Variants in TRPM7 observed in about 807,000 individuals in gnomAD.
The protein encoded by TRPM7 is LTRPC ion channel family member 7.
TRPM7 carries 134 observed loss-of-function variants against 229.7 expected under a neutral mutation model. That is an observed-to-expected ratio of 0.58 (90% CI 0.51 to 0.67). The LOEUF (loss-of-function observed/expected upper bound fraction) is 0.67, where lower values mean the gene tolerates loss of function less well. Among genes scored for constraint, TRPM7 ranks in the 30% least tolerant of loss-of-function variants. The pLI is 0.00. For synonymous variants in TRPM7, 699 were observed against 715.2 expected (o/e 0.98, Z 0.36); for missense variants, 1,901 against 2,210.0 (o/e 0.86, Z 2.80).
rs547049409 is a variant in TRPM7 at position 50,635,755 on chromosome 15, G to A, written c.833-1199C>T. ...AGTACTTCAGGAGGCCGAGGCCGGCGATCACGAGGTCAGGAGATCAAAAGC... is the reference window on the plus strand; with the variant it reads ...AGTACTTCAGGAGGCCGAGGCCGGCAATCACGAGGTCAGGAGATCAAAAGC... On this transcript the variant is annotated intron_variant, in intron 7 of 38. Coordinates refer to ENST00000646667, the MANE Select transcript of TRPM7 (RefSeq NM_017672.6). 1.6e-4 allele frequency among the ~76,000 whole-genome samples: 24 copies of A among 150,960 alleles called. No individual in the cohort carries two copies. The East Asian group carries it at 3.5e-3, about 22-fold the overall frequency.
intron 28 of TRPM7, among the ~76,000 whole-genome samples, chr15:50,584,814 A>T (rs3109892): frequency 0.38 from 58,241 of 151,746 alleles, 11,708 homozygotes; most frequent in Admixed American, 0.49. Flanking sequence ...ATCTATGTTA[A>T]CTTAAATACT....
Position 50,557,584 on chromosome 15 carries a change from T to C in TRPM7, c.*4094A>G, listed in dbSNP as rs1025945904. The stretch of plus-strand genomic sequence containing the variant: ...TCAACATGTATTACTTGTAAAATAA[T>C]AGCATACATATATCGACAGACTGAA... On this transcript the variant is annotated 3_prime_UTR_variant, in exon 39 of 39. Transcript: ENST00000646667. 8.5e-5 allele frequency: 13 copies of C among 152,248 alleles called. No individual in the cohort carries two copies. The highest frequency in any genetic ancestry group is 2.7e-4 in the African/African-American group (11 of 41,476). The allele number at this position is 152,248 out of a possible 1,614,324, so 9.4% of individuals were successfully genotyped here.
intron 20 of TRPM7, among the ~76,000 whole-genome samples, chr15:50,606,897 CAGAG>C (rs1486678427): frequency 7.2e-5 from 11 of 152,076 alleles, no homozygotes; most frequent in African/African-American, 9.7e-5. Flanking sequence ...TGAAGAGTGA[CAGAG>C]AGCAAAAATG....
chr15:50,649,006 T>C, intron 3 of TRPM7, 121 bp from the exon 4 acceptor site: 1 of 640,684 alleles, frequency 1.6e-6, no homozygotes, highest in Non-Finnish European at 2.4e-6. Flanking sequence ...TATATAAGTA[T>C]AAAAATAAGC....
intron 3 of TRPM7, among the ~76,000 whole-genome samples, chr15:50,651,632 A>G (rs936396525): frequency 6.6e-6 from 1 of 151,882 alleles, no homozygotes; most frequent in Non-Finnish European, 1.5e-5. Flanking sequence ...TCTGTCTCTA[A>G]ACGAAAAAAT....
At chr15:50,608,797 C>A (rs757313213) in intron 19 of TRPM7, among the ~76,000 whole-genome samples, 2 of 152,144 alleles carry the variant, frequency 1.3e-5, no homozygotes, top group East Asian at 1.9e-4. Context: ...TTTCCTATGA[C>A]GGGGAGTTAA....
chr15:50,599,218 A>C lies in TRPM7; in HGVS notation c.3067T>G (p.Tyr1023Asp). Residue 1023 changes from tyrosine (Y) to aspartate (D), a missense_variant, in exon 22 of 39, where the codon TAT becomes GAT. Coordinates refer to ENST00000646667, the MANE Select transcript of TRPM7 (RefSeq NM_017672.6). The stretch of plus-strand genomic sequence containing the variant: ...GTCCAAGATGGTGCTTCATGAGGAT[A>C]AAGTATTGCCTTTCTGGGAACACCA... The part of the protein sequence containing the change: ...SFGVPRKAIL[Y>D]PHEAPSWTLA... The C allele has an allele frequency of 6.2e-7, 1 of 1,613,142 alleles. No individual in the cohort carries two copies. The highest frequency in any genetic ancestry group is 1.7e-5 in the Admixed American group (1 of 60,026).
At chr15:50,575,698 T>G in intron 33 of TRPM7, 26 bp downstream of exon 33, 1 of 1,591,844 alleles carries the variant, frequency 6.3e-7, no homozygotes, top group Non-Finnish European at 8.6e-7. Context: ...TTTTCACTTA[T>G]TTATTTCTTT....
Position 50,569,878 on chromosome 15 carries a change from A to AT in TRPM7, c.5467+8dup. The AT allele has an allele frequency of 2.5e-6, 4 of 1,590,284 alleles. No individual in the cohort carries two copies. The highest frequency in any genetic ancestry group is 3.4e-6 in the Non-Finnish European group (4 of 1,167,202). On this transcript the variant is annotated intron_variant, in intron 38 of 38. Transcript: ENST00000646667. The stretch of plus-strand genomic sequence containing the variant: ...ATTTATATACTATACTGATTAAGAA[A>AT]TTTTTTACCTGGAAGTTTAAGCTTT...
chr15:50,599,409 T>C, intron 21 of TRPM7, 113 bp from the exon 22 acceptor site: 1 of 638,236 alleles, frequency 1.6e-6, no homozygotes, highest in Non-Finnish European at 2.5e-6. Flanking sequence ...ACACAAAAAA[T>C]CTTTGAGATT....
chr15:50,613,561 G>T lies in TRPM7; in HGVS notation c.1770+146C>A, dbSNP rs12050765. The T allele has an allele frequency of 2.4e-5, 11 of 462,402 alleles. No homozygotes were observed. In the East Asian group the frequency reaches 3.1e-4, roughly 13 times the overall value. The allele number at this position is 462,402 out of a possible 1,614,324, so 28.6% of individuals were successfully genotyped here. A position where few individuals can be genotyped will look rare whatever the true frequency, so the allele number is the denominator to read the frequency against. On this transcript the variant is annotated intron_variant, in intron 15 of 38. Transcript: ENST00000646667. ...ATTAACTTATAATTAATATCTCTGTGTGTGAGAAAATGACAATTCTAGGAC... is the reference window on the plus strand; with the variant it reads ...ATTAACTTATAATTAATATCTCTGTTTGTGAGAAAATGACAATTCTAGGAC...
At chr15:50,643,087 G>A (rs56944208) in intron 5 of TRPM7, among the ~76,000 whole-genome samples, 53,104 of 151,978 alleles carry the variant, frequency 0.35, 10,475 homozygotes, top group Admixed American at 0.48. Context: ...TCAGCAGTTC[G>A]AGACCAGCCT....
intron 10 of TRPM7, among the ~76,000 whole-genome samples, chr15:50,630,624 C>T (rs1274716594): frequency 2.0e-5 from 3 of 152,132 alleles, no homozygotes; most frequent in Non-Finnish European, 4.4e-5. Context: ...TATATTCTAT[C>T]AACTAATGCC....
chr15:50,593,138 A>T (rs1034483182), intron 25 of TRPM7, among the ~76,000 whole-genome samples: 1 of 151,938 alleles, frequency 6.6e-6, no homozygotes, highest in Non-Finnish European at 1.5e-5. Flanking sequence ...AAAATATAAA[A>T]ATCAGCTGGG....
At chr15:50,570,408 G>A (rs2053820396) in intron 36 of TRPM7, among the ~76,000 whole-genome samples, 1 of 152,138 alleles carries the variant, frequency 6.6e-6, no homozygotes, top group South Asian at 2.1e-4. Flanking sequence ...TTGGTAGGTA[G>A]GCATTAAGTT....
chr15:50,672,825 G>A (rs796780949), intron 1 of TRPM7, among the ~76,000 whole-genome samples: 13 of 135,364 alleles, frequency 9.6e-5, no homozygotes, highest in South Asian at 2.4e-4. Context: ...CAGGAGAATC[G>A]CTTGAACCAG....
At chr15:50,636,352 G>A (rs182061309) in intron 7 of TRPM7, among the ~76,000 whole-genome samples, 2 of 151,938 alleles carry the variant, frequency 1.3e-5, no homozygotes, top group Admixed American at 6.6e-5. Flanking sequence ...CACCACGCTC[G>A]GCTAATTTTT....
chr15:50,587,623 T>C (rs1448289840), intron 27 of TRPM7, among the ~76,000 whole-genome samples: 2 of 152,124 alleles, frequency 1.3e-5, no homozygotes, highest in Non-Finnish European at 2.9e-5. Flanking sequence ...ATGCTTTACC[T>C]TTTCCCATTA....
At position 50,563,543 on chromosome 15, in the gene TRPM7, G is replaced by A. The variant is rs557902833; in HGVS notation, c.5468-1735C>T. 5.3e-5 allele frequency among the ~76,000 whole-genome samples: 8 copies of A among 152,150 alleles called. No homozygotes were observed. The South Asian group carries it at 1.7e-3, about 32-fold the overall frequency. ...GGAGATTTCAAAATTAGAACAGACA[G>A]AATTTGATGAATTGGCTATGAAGGG... On this transcript the variant is annotated intron_variant, in intron 38 of 38. Transcript: ENST00000646667.
Sources: gnomAD v4.1 joint callset for allele counts (sites outside exome capture counted in the v4.1 genomes callset) on GRCh38, gnomAD v4.1.1 for gene constraint, MANE v1.5 for transcripts, NCBI Gene and HGNC (gene_info 2026-07-23, HGNC 2026-07-21) for gene names.